The following UBE3A variants were observed in gnomAD, a reference collection of about 807,000 sequenced individuals.
UBE3A encodes the protein ubiquitin-protein ligase E3A.
Under a neutral mutation model 83.4 loss-of-function variants are expected in UBE3A, and 6 were observed. That is an observed-to-expected ratio of 0.07 (90% confidence interval 0.04 to 0.14). The LOEUF (loss-of-function observed/expected upper bound fraction) is 0.14. UBE3A is among the 10% of genes least tolerant of loss of function. The probability of loss-of-function intolerance (pLI) is 1.00; values close to 1 mark genes in which losing one functional copy is unlikely to be tolerated. For missense variants in UBE3A, 456 were observed against 1,036.1 expected (o/e 0.44, Z 7.69); for synonymous variants, 337 against 355.4 (o/e 0.95, Z 0.58).
At chr15:25,406,904 A>T (rs2088739585) in intron 3 of UBE3A, among the ~76,000 whole-genome samples, 1 of 151,196 alleles carries the variant, frequency 6.6e-6, no homozygotes, top group Non-Finnish European at 1.5e-5. Flanking sequence ...TTTATTTTAG[A>T]TCTTCTTTGC....
chr15:25,362,513 G>A (rs993780094), intron 6 of UBE3A, among the ~76,000 whole-genome samples: 3 of 152,108 alleles, frequency 2.0e-5, no homozygotes, highest in Non-Finnish European at 4.4e-5. Flanking sequence ...ATATGAGAAC[G>A]AGTGTTACCT....
chr15:25,347,139 G>A (rs1653980397), intron 11 of UBE3A: 1 of 152,106 alleles, frequency 6.6e-6, no homozygotes, highest in African/African-American at 2.4e-5. Context: ...TGGAATCTTG[G>A]AAAAAATAAT....
rs571973388 is a variant in UBE3A, at chr15:25,409,993, G to A, written c.-100-786C>T. Among the ~76,000 whole-genome samples, 18 of 151,136 alleles carry A rather than the reference G, an allele frequency of 1.2e-4. No homozygotes were observed. The East Asian group carries it at 2.2e-3, about 18-fold the overall frequency. ...GGAACATCACACTCTGGGGACTGTT[G>A]TGGGGTGGGGGGAAGGGGAGGGATA... On this transcript the variant is annotated intron_variant, in intron 2 of 12. Transcript: ENST00000648336.
chr15:25,345,291 AAAACACCCG>A (rs2152557982), intron 11 of UBE3A, among the ~76,000 whole-genome samples: 1 of 152,306 alleles, frequency 6.6e-6, no homozygotes, highest in African/African-American at 2.4e-5. Context: ...CTGGGCCCTT[AAAACACCCG>A]AATACCAAAC....
At chr15:25,375,332 A>T in intron 5 of UBE3A, 133 bp downstream of exon 5, 1 of 1,046,542 alleles carries the variant, frequency 9.6e-7, no homozygotes, top group Non-Finnish European at 1.4e-6. Flanking sequence ...GTCCGTTACC[A>T]CAATAAAAAA....
intron 4 of UBE3A, among the ~76,000 whole-genome samples, chr15:25,404,789 C>T (rs953083165): frequency 2.6e-5 from 4 of 152,128 alleles, no homozygotes; most frequent in African/African-American, 7.2e-5. Context: ...ATCTAAAAGT[C>T]CTCAACTGCC....
chr15:25,367,217 A>ATATTTACATATTTGTAAATATG (rs2079350056), intron 6 of UBE3A, among the ~76,000 whole-genome samples: 1 of 102,052 alleles, frequency 9.8e-6, no homozygotes, highest in Non-Finnish European at 1.8e-5. Flanking sequence ...AAATATGTAA[A>ATATTTACATATTTGTAAATATG]TATTTACATA....
At chr15:25,343,964 G>A (rs749170312) in intron 11 of UBE3A, among the ~76,000 whole-genome samples, 1 of 152,158 alleles carries the variant, frequency 6.6e-6, no homozygotes, top group Non-Finnish European at 1.5e-5. Context: ...AACACATTCT[G>A]TTTGGAAAGT....
In UBE3A at chr15:25,430,041, ATATATATATT is replaced by A. The variant is rs1220974960; in HGVS notation, c.-165+8438_-165+8447del. Among the ~76,000 whole-genome samples, 517 of 114,634 alleles carry A rather than the reference ATATATATATT, an allele frequency of 4.5e-3. 16 individuals are homozygous for A. The highest frequency in any genetic ancestry group is 5.9e-3 in the Non-Finnish European group (358 of 60,824). 75.2% of individuals were successfully genotyped at this position (114,634 alleles called of 152,430 possible). A position where few individuals can be genotyped will look rare whatever the true frequency, so the allele number is the denominator to read the frequency against. On this transcript the variant is annotated intron_variant, in intron 1 of 12. Transcript: ENST00000648336. ...CAAAAAAAAACCTATATATATATAT[ATATATATATT>A]TATATGTATTATATATATATAATAC...
chr15:25,403,064 T>G (rs557396243), intron 4 of UBE3A, among the ~76,000 whole-genome samples: 1 of 152,326 alleles, frequency 6.6e-6, no homozygotes, highest in African/African-American at 2.4e-5. Flanking sequence ...CACTAATGAT[T>G]CTGTTCCATC....
chr15:25,409,899 A>G (rs893568011), intron 2 of UBE3A, among the ~76,000 whole-genome samples: 1 of 151,958 alleles, frequency 6.6e-6, no homozygotes, highest in Non-Finnish European at 1.5e-5. Context: ...AAGTCATTTA[A>G]CATCAGTCAC....
At chr15:25,395,727 A>ATTCT (rs1438714965) in intron 4 of UBE3A, among the ~76,000 whole-genome samples, 1 of 152,230 alleles carries the variant, frequency 6.6e-6, no homozygotes, top group Non-Finnish European at 1.5e-5. Context: ...TGGAAATAGA[A>ATTCT]GAGTTGTCAA....
In UBE3A at chr15:25,371,649, C is replaced by T; in HGVS notation, c.525G>A (p.Leu175=). Residue 175 remains leucine (L), a synonymous_variant, in exon 6 of 13, where the codon CTG becomes CTA. Coordinates refer to ENST00000648336, the MANE Select transcript of UBE3A (RefSeq NM_130839.5). This position sits in a 1 kb window ranked among gnomAD's most constrained non-coding sequence, Gnocchi z 5.3. ...CTTCATCTTTTGCTTGAAGAGATTT[C>T]AGTTCTTCCTTGGTGTGTTGTTTAA... ...RKVKQHTKEE[L]KSLQAKDEDK... The T allele has an allele frequency of 6.2e-7, 1 of 1,614,078 alleles. No individual in the cohort carries two copies. The highest frequency in any genetic ancestry group is 8.5e-7 in the Non-Finnish European group (1 of 1,180,008).
chr15:25,372,450 C>CAT (rs1002661103), intron 5 of UBE3A, among the ~76,000 whole-genome samples: 1 of 152,124 alleles, frequency 6.6e-6, no homozygotes, highest in Non-Finnish European at 1.5e-5. Context: ...GACTAAATCT[C>CAT]ATAGAGTGAC....
chr15:25,392,269 C>A (rs2084572151), intron 4 of UBE3A, among the ~76,000 whole-genome samples: 1 of 152,116 alleles, frequency 6.6e-6, no homozygotes, highest in Non-Finnish European at 1.5e-5. Context: ...TTTACTTGGC[C>A]TTCCTAAGAA....
At chr15:25,356,478 C>A (rs986238099) in intron 8 of UBE3A, among the ~76,000 whole-genome samples, 1 of 152,126 alleles carries the variant, frequency 6.6e-6, no homozygotes, top group Non-Finnish European at 1.5e-5. Flanking sequence ...ATCAATCTTA[C>A]AAAAGCTTCG....
chr15:25,334,455 C>A lies in UBE3A; in HGVS notation c.*4682G>T, dbSNP rs1211075742. ...CAGTCATGGAACAGAAAACCTAACACCATTAAAATAGCAGTTATTTCTCAA... is the reference window on the plus strand; with the variant it reads ...CAGTCATGGAACAGAAAACCTAACAACATTAAAATAGCAGTTATTTCTCAA... On this transcript the variant is annotated 3_prime_UTR_variant, in exon 13 of 13. Coordinates refer to ENST00000648336, the MANE Select transcript of UBE3A (RefSeq NM_130839.5). 1 of 152,062 alleles carries A rather than the reference C, an allele frequency of 6.6e-6. No individual in the cohort carries two copies. Among genetic ancestry groups the A allele is most frequent in the Admixed American group, 6.5e-5 (1 of 15,268 alleles). 9.4% of individuals were successfully genotyped at this position (152,062 alleles called of 1,614,324 possible).
intron 4 of UBE3A, among the ~76,000 whole-genome samples, chr15:25,388,093 A>C (rs543915742): frequency 3.2e-4 from 49 of 152,168 alleles, no homozygotes; most frequent in Non-Finnish European, 6.2e-4. Flanking sequence ...AGCAAAGGAG[A>C]TGCTCCTATC....
At chr15:25,392,530 A>G (rs1350576747) in intron 4 of UBE3A, among the ~76,000 whole-genome samples, 1 of 152,160 alleles carries the variant, frequency 6.6e-6, no homozygotes, top group Non-Finnish European at 1.5e-5. Context: ...CAGGCTACAT[A>G]AAAAGGGCTC....
Sources: gnomAD v4.1 joint callset for allele counts (sites outside exome capture counted in the v4.1 genomes callset) on GRCh38, gnomAD v4.1.1 for gene constraint, Gnocchi (gnomAD v3.1) non-coding constraint, MANE v1.5 for transcripts, NCBI Gene and HGNC (gene_info 2026-07-23, HGNC 2026-07-21) for gene names.